PFKL: variants seen among roughly 807,000 people sequenced by gnomAD.
PFKL encodes the protein ATP-dependent 6-phosphofructokinase, liver type.
A neutral mutation model predicts 92.1 loss-of-function variants in PFKL; 74 were observed. The ratio of observed to expected loss-of-function variants is 0.80; its 90% confidence interval spans 0.67 to 0.97. The LOEUF (loss-of-function observed/expected upper bound fraction) is 0.97. PFKL is among the 50% of genes least tolerant of loss of function. The probability of loss-of-function intolerance (pLI) is 0.00; values close to 1 mark genes in which losing one functional copy is unlikely to be tolerated. For synonymous variants in PFKL, 494 were observed against 456.4 expected, an observed-to-expected ratio of 1.08 and a Z score of -1.05; for missense variants, 1,028 against 1,116.6, an observed-to-expected ratio of 0.92 and a Z score of 1.13.
chr21:44,322,071 C>T, intron 13 of PFKL, 62 bp from the exon 14 acceptor site: 1 of 1,547,792 alleles, frequency 6.5e-7, no homozygotes, highest in Non-Finnish European at 8.8e-7. Flanking sequence ...CACAGGCCCA[C>T]CCCTGGGGGG....
chr21:44,303,901 C>T (rs1004127075), intron 1 of PFKL, among the ~76,000 whole-genome samples: 8 of 152,040 alleles, frequency 5.3e-5, no homozygotes, highest in Admixed American at 3.9e-4. Flanking sequence ...GCGGTGTCGG[C>T]GACTGCTGCC....
Position 44,320,132 on chromosome 21 carries a change from GC to G in PFKL, c.1182del (p.Lys395ArgfsTer11), listed in dbSNP as rs777709620. ...NIYKLLAHQKPPKEKSNFSLA... is the reference protein window; with the variant it reads ...NIYKLLAHQKXPKEKSNFSLA... Reference sequence around the variant, plus strand: ...TTTACAAGCTCCTCGCCCACCAGAAGCCCCCCAAGGAGAAGGTGAGGCAGGG... The same window carrying G: ...TTTACAAGCTCCTCGCCCACCAGAAGCCCCCAAGGAGAAGGTGAGGCAGGG... On this transcript the variant is annotated frameshift_variant, in exon 12 of 22. Coordinates refer to ENST00000349048, the MANE Select transcript of PFKL (RefSeq NM_002626.6). LOFTEE classifies it high-confidence loss of function. The G allele has an allele frequency of 1.2e-6, 2 of 1,613,416 alleles. No homozygotes were observed. Among genetic ancestry groups the G allele is most frequent in the East Asian group, 2.2e-5 (1 of 44,870 alleles).
chr21:44,316,670 A>C, intron 9 of PFKL, 146 bp downstream of exon 9: 2 of 624,420 alleles, frequency 3.2e-6, no homozygotes, highest in East Asian at 2.9e-5. Context: ...GTGGGGGTGT[A>C]TGTGTGGGGG....
At chr21:44,324,747 G>A (rs559966082) in intron 17 of PFKL, 92 bp downstream of exon 17, 116 of 1,566,150 alleles carry the variant, frequency 7.4e-5, no homozygotes, top group East Asian at 4.3e-4. Context: ...GGCAGGGCCC[G>A]GGCAGGTGGG....
intron 11 of PFKL, 44 bp downstream of exon 11, chr21:44,319,459 C>T: frequency 6.5e-7 from 1 of 1,527,712 alleles, no homozygotes; most frequent in Non-Finnish European, 9.1e-7. Flanking sequence ...ATGGCTGGGT[C>T]CCGGTGCCAG....
At position 44,318,484 on chromosome 21, in the gene PFKL, C is replaced by A; in HGVS notation, c.951C>A (p.Gly317=). 1.3e-6 allele frequency: 2 copies of A among 1,560,326 alleles called. No homozygotes were observed. Among genetic ancestry groups the A allele is most frequent in the Non-Finnish European group, 8.7e-7 (1 of 1,146,784 alleles). ...AFDRILSSKM[G]MEAVMALLEA... ...CTTCCCCACAGAGCAGCAAGATGGG[C>A]ATGGAGGCGGTGATGGCGCTGCTGG... The change falls in exon 10 of 22, where the codon GGC becomes GGA. Residue 317 remains glycine (G), a synonymous_variant. Coordinates refer to ENST00000349048, the MANE Select transcript of PFKL (RefSeq NM_002626.6).
At chr21:44,309,151 C>A (rs1390486814) in intron 2 of PFKL, among the ~76,000 whole-genome samples, 2 of 152,160 alleles carry the variant, frequency 1.3e-5, no homozygotes, top group African/African-American at 4.8e-5. Context: ...TCACATCAGA[C>A]TGCATTTTGG....
chr21:44,313,332 G>A (rs2047108897), intron 5 of PFKL, among the ~76,000 whole-genome samples, 189 bp downstream of exon 5: 1 of 152,226 alleles, frequency 6.6e-6, no homozygotes, highest in Admixed American at 6.5e-5. Flanking sequence ...CAGGCCGCGG[G>A]GGGCCTTTGT....
rs927756340 is a variant in PFKL, at chr21:44,317,942, G to A, written c.937-528G>A. 8.5e-5 allele frequency among the ~76,000 whole-genome samples: 13 copies of A among 152,268 alleles called. No individual in the cohort carries two copies. In the East Asian group the frequency reaches 2.1e-3, roughly 25 times the overall value. On this transcript the variant is annotated intron_variant, in intron 9 of 21. Transcript: ENST00000349048. The stretch of plus-strand genomic sequence containing the variant: ...CAGGGCTGGCCACTGGTGGTCATGG[G>A]ACGGCCACGGCAACCGCAGGCCTGG...
rs2047062012 is a variant in PFKL at position 44,312,086 on chromosome 21, T to A, written c.238-19T>A. On this transcript the variant is annotated intron_variant, in intron 3 of 21. Transcript: ENST00000349048. Reference sequence around the variant, plus strand: ...GCCGCCTGCCATCTCTCCTGAAGTTTCTGGTCTCCTCTGTGCAGGGCGGCA... The same window carrying A: ...GCCGCCTGCCATCTCTCCTGAAGTTACTGGTCTCCTCTGTGCAGGGCGGCA... 2 of 1,434,954 alleles carry A rather than the reference T, an allele frequency of 1.4e-6. No homozygotes were observed. The highest frequency in any genetic ancestry group is 3.0e-5 in the South Asian group (2 of 66,140). The allele number at this position is 1,434,954 out of a possible 1,614,324, so 88.9% of individuals were successfully genotyped here.
chr21:44,314,126 G>A (rs1438652713), intron 7 of PFKL, 105 bp downstream of exon 7: 4 of 764,460 alleles, frequency 5.2e-6, no homozygotes, highest in Non-Finnish European at 8.7e-6. Context: ...TCACTCATGG[G>A]TTCATCAGCA....
intron 4 of PFKL, among the ~76,000 whole-genome samples, chr21:44,312,584 T>C (rs750311391): frequency 1.2e-4 from 19 of 152,190 alleles, no homozygotes; most frequent in Non-Finnish European, 2.2e-4. Flanking sequence ...TTCTCTGTGA[T>C]TGATCCGAGT....
Position 44,313,689 on chromosome 21 carries a change from A to AG in PFKL, c.638+11dup, listed in dbSNP as rs777968733. The stretch of plus-strand genomic sequence containing the variant: ...TGATGGGCCGGCACTGCGGGTGAGG[A>AG]GGGGCTTCCTGGCCCGCTGGGTGGC... On this transcript the variant is annotated splice_region_variant and intron_variant, in intron 6 of 21. Coordinates refer to ENST00000349048, the MANE Select transcript of PFKL (RefSeq NM_002626.6). 3.1e-6 allele frequency: 5 copies of AG among 1,610,652 alleles called. No individual in the cohort carries two copies. The East Asian group carries it at 8.9e-5, about 29-fold the overall frequency.
At chr21:44,325,313 A>T in intron 19 of PFKL, 49 bp downstream of exon 19, 1 of 1,287,756 alleles carries the variant, frequency 7.8e-7, no homozygotes, top group Non-Finnish European at 1.1e-6. Flanking sequence ...CTTTCCTGCC[A>T]CCATCTGTCC....
rs878868352 is a variant in PFKL at position 44,327,305 on chromosome 21, C to T, written c.*443C>T. Reference sequence around the variant, plus strand: ...CCTCACTGTGACCTGCTCCTGCCCACGTGCAGCACCTGTCACCTTTTCTAG... The same window carrying T: ...CCTCACTGTGACCTGCTCCTGCCCATGTGCAGCACCTGTCACCTTTTCTAG... On this transcript the variant is annotated 3_prime_UTR_variant, in exon 22 of 22. Transcript: ENST00000349048. 3.1e-5 allele frequency: 6 copies of T among 192,212 alleles called. No individual in the cohort carries two copies. The South Asian group carries it at 3.4e-4, about 11-fold the overall frequency. 11.9% of individuals were successfully genotyped at this position (192,212 alleles called of 1,614,324 possible).
chr21:44,326,014 G>A lies in PFKL; in HGVS notation c.2043G>A (p.Lys681=), dbSNP rs751699308. 1.2e-6 allele frequency: 2 copies of A among 1,613,958 alleles called. No homozygotes were observed. Among genetic ancestry groups the A allele is most frequent in the South Asian group, 2.2e-5 (2 of 91,088 alleles). ...ACTATGGGACCAAGCTGGGGGTGAAGGCCATGCTGTGGTTGTCGGAGAAGC... is the reference window on the plus strand; with the variant it reads ...ACTATGGGACCAAGCTGGGGGTGAAAGCCATGCTGTGGTTGTCGGAGAAGC... ...DRNYGTKLGV[K]AMLWLSEKLR... is the part of the protein sequence containing the mutation. Residue 681 remains lysine, a synonymous_variant, in exon 20 of 22, where the codon AAG becomes AAA. Transcript: ENST00000349048.
At chr21:44,306,885 C>A in intron 2 of PFKL, 131 bp downstream of exon 2, 1 of 787,108 alleles carries the variant, frequency 1.3e-6, no homozygotes, top group Non-Finnish European at 2.1e-6. Context: ...GGTATGTGGT[C>A]TTGGGGAGTG....
At chr21:44,300,684 T>G (rs2146402581) in intron 1 of PFKL, among the ~76,000 whole-genome samples, 1 of 152,324 alleles carries the variant, frequency 6.6e-6, no homozygotes, top group South Asian at 2.1e-4. Flanking sequence ...CGCGGCCGCC[T>G]TCCTTGTGGG....
In PFKL at chr21:44,310,236, C is replaced by T. The variant is rs560836268; in HGVS notation, c.160-770C>T. ...AAAGGGCTGGCCGTGCAGTAGGAAA[C>T]GGGCACGTGGCACGGAGGCTGTGCA... is the stretch of plus-strand genomic sequence containing the variant. On this transcript the variant is annotated intron_variant, in intron 2 of 21. Coordinates refer to ENST00000349048, the MANE Select transcript of PFKL (RefSeq NM_002626.6). Among the ~76,000 whole-genome samples, 11 of 152,372 alleles carry T rather than the reference C, an allele frequency of 7.2e-5. No individual in the cohort carries two copies. In the South Asian group the frequency reaches 1.9e-3, roughly 26 times the overall value.
Sources: allele counts gnomAD v4.1 joint callset (sites outside exome capture counted in the v4.1 genomes callset), GRCh38; gene constraint gnomAD v4.1.1; transcripts MANE v1.5; gene names NCBI Gene and HGNC (gene_info 2026-07-23, HGNC 2026-07-21).